The following IQGAP2 variants were observed in gnomAD, a reference collection of about 807,000 sequenced individuals.
The protein encoded by IQGAP2 is ras GTPase-activating-like protein IQGAP2.
In IQGAP2, 173 loss-of-function variants were observed where a neutral mutation model predicts 201.3. That is an observed-to-expected ratio of 0.86 (90% CI 0.76 to 0.98). The LOEUF (loss-of-function observed/expected upper bound fraction) is 0.98, where lower values mean the gene tolerates loss of function less well. Ranked by LOEUF, IQGAP2 falls within the 50% of genes least tolerant of loss-of-function variation. The pLI is 0.00. For synonymous variants in IQGAP2, 675 were observed against 673.9 expected, an observed-to-expected ratio of 1.00 and a Z score of -0.03; for missense variants, 1,687 against 1,864.8, an observed-to-expected ratio of 0.90 and a Z score of 1.76.
chr5:76,511,818 C>T (rs1362555897), intron 2 of IQGAP2, among the ~76,000 whole-genome samples: 2 of 151,286 alleles, frequency 1.3e-5, no homozygotes, highest in Non-Finnish European at 3.0e-5. Context: ...GTAGCTGGGA[C>T]TACAGGCGCC....
At chr5:76,496,741 C>CTTTCTTTTT (rs1554061572) in intron 2 of IQGAP2, among the ~76,000 whole-genome samples, 1 of 47,854 alleles carries the variant, frequency 2.1e-5, no homozygotes, top group African/African-American at 1.0e-4. Context: ...TTCTTTCTTT[C>CTTTCTTTTT]TTTCTTTCTT....
In IQGAP2 at chr5:76,472,719, T is replaced by C. The variant is rs546160144; in HGVS notation, c.146+11050T>C. On this transcript the variant is annotated intron_variant, in intron 2 of 35. Transcript: ENST00000274364. ...GGGTATGTTCTGACAGATGAAAGTA[T>C]AACTTTTCAGAGTGCTGGTATTTTA... Among the ~76,000 whole-genome samples, 20 of 152,364 alleles carry C rather than the reference T, an allele frequency of 1.3e-4. No individual in the cohort carries two copies. In the South Asian group the frequency reaches 3.3e-3, roughly 25 times the overall value.
At chr5:76,614,012 T>A (rs546844928) in intron 13 of IQGAP2, among the ~76,000 whole-genome samples, 4 of 152,232 alleles carry the variant, frequency 2.6e-5, no homozygotes, top group African/African-American at 9.6e-5. Flanking sequence ...TTACTAGACG[T>A]AGAGTCTGCT....
chr5:76,512,603 A>G (rs1210369747), intron 2 of IQGAP2, among the ~76,000 whole-genome samples: 1 of 152,214 alleles, frequency 6.6e-6, no homozygotes, highest in Non-Finnish European at 1.5e-5. Context: ...CTATAGTGAG[A>G]CTGGAGTGCT....
At position 76,573,529 on chromosome 5, in the gene IQGAP2, A is replaced by G. The variant is rs923170188; in HGVS notation, c.382-2164A>G. Among the ~76,000 whole-genome samples, 5 of 152,386 alleles carry G rather than the reference A, an allele frequency of 3.3e-5. No homozygotes were observed. In the East Asian group the frequency reaches 9.6e-4, roughly 29 times the overall value. On this transcript the variant is annotated intron_variant, in intron 4 of 35. Transcript: ENST00000274364. ...ATGGCTTTCCAGGAGAAATATAAAT[A>G]TAAAAGATTCTTGTTTAAAGAAAAG... is the stretch of plus-strand genomic sequence containing the variant.
intron 4 of IQGAP2, among the ~76,000 whole-genome samples, chr5:76,571,098 T>TAA (rs200735086): frequency 1.5e-4 from 20 of 132,692 alleles, no homozygotes; most frequent in African/African-American, 3.6e-4. Flanking sequence ...CTGTCTCTAT[T>TAA]AAAAAAAAAA....
intron 17 of IQGAP2, among the ~76,000 whole-genome samples, chr5:76,650,077 GCCCACAAAACCATTCTGCCCT>G (rs1430424617): frequency 1.3e-5 from 2 of 152,330 alleles, no homozygotes; most frequent in African/African-American, 4.8e-5. Context: ...AAGGCCCTGG[GCCCACAAAACCATTCTGCCCT>G]CCTAGGCTTC....
chr5:76,671,381 C>G (rs1744303637), intron 23 of IQGAP2, among the ~76,000 whole-genome samples: 1 of 152,116 alleles, frequency 6.6e-6, no homozygotes, highest in Non-Finnish European at 1.5e-5. Flanking sequence ...AGGGAGAATA[C>G]ATTGTTTAAA....
At chr5:76,672,413 A>G (rs978746094) in intron 24 of IQGAP2, among the ~76,000 whole-genome samples, 2 of 152,180 alleles carry the variant, frequency 1.3e-5, no homozygotes, top group Non-Finnish European at 2.9e-5. Flanking sequence ...TTTCCTGTAA[A>G]AGGATGTCTG....
intron 20 of IQGAP2, among the ~76,000 whole-genome samples, chr5:76,658,133 G>C (rs1742917747): frequency 6.6e-6 from 1 of 152,124 alleles, no homozygotes; most frequent in Admixed American, 6.5e-5. Context: ...TCTTTCCCAG[G>C]TTCCTGAGGA....
intron 3 of IQGAP2, among the ~76,000 whole-genome samples, chr5:76,563,783 A>T (rs1744547628): frequency 6.6e-6 from 1 of 152,066 alleles, no homozygotes. Flanking sequence ...CTGAACAGTT[A>T]TTTCTCTTAC....
At position 76,637,206 on chromosome 5, in the gene IQGAP2, T is replaced by C. The variant is rs114979313; in HGVS notation, c.1923+30T>C. 1,702 of 1,550,840 alleles carry C rather than the reference T, an allele frequency of 1.1e-3. 19 individuals carry two copies. In the African/African-American group the frequency reaches 0.021, roughly 19 times the overall value. On this transcript the variant is annotated intron_variant, in intron 16 of 35. Transcript: ENST00000274364. ...GAGGTTGGTGTTTGATGGATAACTC[T>C]ACTGTATAAAGTTAAATTTGACTGG...
intron 1 of IQGAP2, among the ~76,000 whole-genome samples, chr5:76,446,207 G>A (rs187718326): frequency 1.6e-4 from 24 of 152,306 alleles, no homozygotes; most frequent in African/African-American, 5.5e-4. Flanking sequence ...ATACCCAGAA[G>A]TGGGATTGTT....
chr5:76,592,685 C>A (rs756391549), intron 8 of IQGAP2, among the ~76,000 whole-genome samples, 153 bp from the exon 9 acceptor site: 1 of 152,184 alleles, frequency 6.6e-6, no homozygotes, highest in Non-Finnish European at 1.5e-5. Flanking sequence ...CTCCCCTAGT[C>A]CCCTGCACAG....
chr5:76,649,301 G>A (rs552848550), intron 17 of IQGAP2, among the ~76,000 whole-genome samples: 60 of 152,278 alleles, frequency 3.9e-4, no homozygotes, highest in African/African-American at 1.4e-3. Context: ...CCAGACACTT[G>A]TAGAACCTGG....
intron 14 of IQGAP2, chr5:76,628,848 G>A (rs1221062174): frequency 5.7e-6 from 2 of 348,158 alleles, no homozygotes; most frequent in Non-Finnish European, 5.6e-6. Flanking sequence ...AAGTGGAGGT[G>A]TGTATATAAG....
intron 9 of IQGAP2, among the ~76,000 whole-genome samples, 198 bp downstream of exon 9, chr5:76,593,123 G>C (rs907814829): frequency 2.0e-5 from 3 of 152,148 alleles, no homozygotes; most frequent in Non-Finnish European, 2.9e-5. Context: ...GGTGATCTCA[G>C]TCCACACAAA....
At chr5:76,595,885 G>A (rs142215716) in intron 9 of IQGAP2, among the ~76,000 whole-genome samples, 1 of 152,204 alleles carries the variant, frequency 6.6e-6, no homozygotes, top group Non-Finnish European at 1.5e-5. Context: ...GGTAAAGCAA[G>A]ATCCTACCTA....
chr5:76,515,029 A>G (rs1298296531), intron 2 of IQGAP2, among the ~76,000 whole-genome samples: 2 of 152,208 alleles, frequency 1.3e-5, no homozygotes, highest in Admixed American at 6.5e-5. Flanking sequence ...ATTTATTGGT[A>G]TTTGATCACT....
Sources: gnomAD v4.1 joint callset for allele counts (sites outside exome capture counted in the v4.1 genomes callset) on GRCh38, gnomAD v4.1.1 for gene constraint, MANE v1.5 for transcripts, NCBI Gene and HGNC (gene_info 2026-07-23, HGNC 2026-07-21) for gene names.